Variants in EML5 observed in about 807,000 individuals in gnomAD.
The protein encoded by EML5 is EMAP like 5, also known as echinoderm microtubule-associated protein-like 5.
EML5 carries 120 observed loss-of-function variants against 250.0 expected under a neutral mutation model. The observed-to-expected ratio is 0.48, with a 90% CI of 0.41 to 0.56. The LOEUF (loss-of-function observed/expected upper bound fraction) is 0.56. EML5 is among the 20% of genes least tolerant of loss of function. The pLI is 0.00. For missense variants in EML5, 2,006 were observed against 2,437.6 expected (o/e 0.82, Z 3.73); for synonymous variants, 771 against 806.5 (o/e 0.96, Z 0.75).
rs1015182181 is a variant in EML5, at chr14:88,614,289, T to G, written c.*1529A>C. Reference sequence around the variant, plus strand: ...ATGTATTTCAAAATTTGGCTTAATTTAGGAGAATCCACTGATGAACAAGTA... The same window carrying G: ...ATGTATTTCAAAATTTGGCTTAATTGAGGAGAATCCACTGATGAACAAGTA... On this transcript the variant is annotated 3_prime_UTR_variant, in exon 44 of 44. Coordinates refer to ENST00000554922, the MANE Select transcript of EML5 (RefSeq NM_183387.3). 2.0e-5 allele frequency: 3 copies of G among 152,308 alleles called. No individual in the cohort carries two copies. The highest frequency in any genetic ancestry group is 2.9e-5 in the Non-Finnish European group (2 of 68,024). 9.4% of individuals were successfully genotyped at this position (152,308 alleles called of 1,614,324 possible). A position where few individuals can be genotyped will look rare whatever the true frequency, so the allele number is the denominator to read the frequency against.
chr14:88,719,279 G>A, intron 8 of EML5, among the ~76,000 whole-genome samples: 1 of 151,950 alleles, frequency 6.6e-6, no homozygotes, highest in East Asian at 2.0e-4. Flanking sequence ...ACAGCTACTT[G>A]GAAGACTGAG....
At chr14:88,705,174 A>G (rs929631050) in intron 12 of EML5, among the ~76,000 whole-genome samples, 196 bp from the exon 13 acceptor site, 1 of 152,168 alleles carries the variant, frequency 6.6e-6, no homozygotes, top group Non-Finnish European at 1.5e-5. Context: ...CACACTGACA[A>G]ATAGATACAT....
chr14:88,742,399 C>T (rs942831557), intron 4 of EML5, among the ~76,000 whole-genome samples: 1 of 152,030 alleles, frequency 6.6e-6, no homozygotes, highest in Non-Finnish European at 1.5e-5. Context: ...TTGGACAGTG[C>T]AGTTCTAGAT....
At chr14:88,654,863 T>C (rs2091806555) in intron 27 of EML5, among the ~76,000 whole-genome samples, 1 of 152,072 alleles carries the variant, frequency 6.6e-6, no homozygotes, top group Non-Finnish European at 1.5e-5. Context: ...TGATCTAATA[T>C]TGACAGTGGG....
At chr14:88,758,639 A>G (rs1174365090) in intron 1 of EML5, among the ~76,000 whole-genome samples, 1 of 152,256 alleles carries the variant, frequency 6.6e-6, no homozygotes, top group East Asian at 1.9e-4. Flanking sequence ...GGCTAAACAA[A>G]GTTACCGTAT....
intron 1 of EML5, among the ~76,000 whole-genome samples, chr14:88,766,553 G>T (rs7140849): frequency 0.64 from 97,450 of 151,978 alleles, 33,290 homozygotes; most frequent in East Asian, 0.94. Context: ...TCTCAAACCC[G>T]GTCTCCTGAT....
In EML5 at chr14:88,657,341, C is replaced by A. The variant is rs1049294509; in HGVS notation, c.4004+35G>T. The A allele has an allele frequency of 3.9e-6, 6 of 1,521,136 alleles. No homozygotes were observed. In the African/African-American group the frequency reaches 8.4e-5, roughly 21 times the overall value. The allele number at this position is 1,521,136 out of a possible 1,614,324, so 94.2% of individuals were successfully genotyped here. ...TAAATTCCATTTTTAATGACAATAT[C>A]TTTTTCTTCATCTAATACTAAACTA... On this transcript the variant is annotated intron_variant, in intron 27 of 43. Coordinates refer to ENST00000554922, the MANE Select transcript of EML5 (RefSeq NM_183387.3).
intron 27 of EML5, among the ~76,000 whole-genome samples, chr14:88,653,378 T>G (rs1412088146): frequency 6.6e-6 from 1 of 152,220 alleles, no homozygotes; most frequent in Non-Finnish European, 1.5e-5. Context: ...TGTGCCGGTT[T>G]TCAAAGGGAA....
chr14:88,657,295 G>A, intron 27 of EML5, 81 bp downstream of exon 27: 1 of 1,376,580 alleles, frequency 7.3e-7, no homozygotes, highest in South Asian at 1.4e-5. Flanking sequence ...CTTAGTTTGT[G>A]TAAAAAAGCC....
chr14:88,680,403 A>C (rs898965143), intron 21 of EML5, among the ~76,000 whole-genome samples: 1 of 152,148 alleles, frequency 6.6e-6, no homozygotes, highest in African/African-American at 2.4e-5. Context: ...TGGGTTCTCC[A>C]CAGAGAAGGA....
chr14:88,642,569 G>T (rs1234855256), intron 31 of EML5, among the ~76,000 whole-genome samples: 2 of 152,054 alleles, frequency 1.3e-5, no homozygotes, highest in Non-Finnish European at 1.5e-5. Flanking sequence ...TCATCATGAG[G>T]TTATGGGAAA....
intron 17 of EML5, among the ~76,000 whole-genome samples, chr14:88,688,909 T>C (rs1391036173): frequency 6.6e-6 from 1 of 152,258 alleles, no homozygotes; most frequent in Non-Finnish European, 1.5e-5. Context: ...CTGATTATTC[T>C]CATGCATTCC....
chr14:88,642,863 A>G, intron 31 of EML5, 30 bp downstream of exon 31: 2 of 1,566,130 alleles, frequency 1.3e-6, no homozygotes, highest in South Asian at 1.2e-5. Context: ...AAAAAAATTG[A>G]TAGAGGGATG....
chr14:88,682,870 T>G (rs2092745889), intron 20 of EML5, among the ~76,000 whole-genome samples: 1 of 152,168 alleles, frequency 6.6e-6, no homozygotes, highest in Non-Finnish European at 1.5e-5. Flanking sequence ...TACCAAGTAC[T>G]CAGGGCCTAA....
intron 33 of EML5, among the ~76,000 whole-genome samples, chr14:88,632,179 C>T (rs74952657): frequency 1.8e-4 from 27 of 152,242 alleles, no homozygotes; most frequent in East Asian, 5.8e-4. Flanking sequence ...CTATGTCATA[C>T]GCCCATACCC....
intron 1 of EML5, among the ~76,000 whole-genome samples, chr14:88,778,615 C>T (rs2094469075): frequency 6.6e-6 from 1 of 152,112 alleles, no homozygotes; most frequent in Non-Finnish European, 1.5e-5. Flanking sequence ...CCTGTCTCTA[C>T]TAAAATACAA....
chr14:88,678,663 G>C (rs1173677134), intron 21 of EML5, among the ~76,000 whole-genome samples: 1 of 151,946 alleles, frequency 6.6e-6, no homozygotes, highest in African/African-American at 2.4e-5. Flanking sequence ...TCTGATCTCT[G>C]AATCATTAGC....
intron 6 of EML5, among the ~76,000 whole-genome samples, chr14:88,736,806 C>T (rs906549009): frequency 1.3e-5 from 2 of 152,242 alleles, no homozygotes; most frequent in South Asian, 4.2e-4. Context: ...TTACTTTACA[C>T]ATATTTATCC....
chr14:88,782,994 G>A (rs142985282), intron 1 of EML5, among the ~76,000 whole-genome samples: 8 of 152,112 alleles, frequency 5.3e-5, no homozygotes, highest in African/African-American at 1.4e-4. Flanking sequence ...CAGAAGAATC[G>A]CTTGAACCCA....
Sources: gnomAD v4.1 joint callset for allele counts (sites outside exome capture counted in the v4.1 genomes callset) on GRCh38, gnomAD v4.1.1 for gene constraint, MANE v1.5 for transcripts, NCBI Gene and HGNC (gene_info 2026-07-23, HGNC 2026-07-21) for gene names.